DNAH17: variants seen among roughly 807,000 people sequenced by gnomAD.
DNAH17 encodes axonemal beta dynein heavy chain 17.
Under a neutral mutation model 485.6 loss-of-function variants are expected in DNAH17, and 376 were observed. The observed-to-expected ratio is 0.77, with a 90% CI of 0.71 to 0.84. DNAH17 has a LOEUF of 0.84. Among genes scored for constraint, DNAH17 ranks in the 40% least tolerant of loss-of-function variants. The probability of loss-of-function intolerance (pLI) is 0.00; values close to 1 mark genes in which losing one functional copy is unlikely to be tolerated. For synonymous variants in DNAH17, 3,031 were observed against 2,405.9 expected (o/e 1.26, Z -7.60); for missense variants, 6,370 against 5,839.3 (o/e 1.09, Z -2.96).
intron 48 of DNAH17, among the ~76,000 whole-genome samples, chr17:78,482,921 G>T (rs1410311333): frequency 6.6e-6 from 1 of 152,194 alleles, no homozygotes; most frequent in African/African-American, 2.4e-5. Context: ...TTGAGGAAAA[G>T]AAAGCAAAAA....
intron 51 of DNAH17, among the ~76,000 whole-genome samples, chr17:78,478,217 AT>A (rs2089166230): frequency 6.8e-6 from 1 of 148,120 alleles, no homozygotes; most frequent in African/African-American, 2.6e-5. Context: ...CACCACCATC[AT>A]CACCACATCA....
chr17:78,484,928 T>G lies in DNAH17; in HGVS notation c.7589A>C (p.Asp2530Ala). Residue 2530 changes from aspartate (D) to alanine (A), a missense_variant, in exon 48 of 81, where the codon GAC becomes GCC. Asp to Ala is a moderately radical substitution (Grantham distance 126, BLOSUM62 -2). Transcript: ENST00000389840. ...FIDDMNMPEV[D>A]KYGTVAPHTL... is the part of the protein sequence containing the mutation. ...GTGCGGGGCCACCGTCCCATACTTG[T>G]CCACCTCGGGCATGTTCATGTCGTC... 6.2e-7 allele frequency: 1 copy of G among 1,607,208 alleles called. No homozygotes were observed. Among genetic ancestry groups the G allele is most frequent in the South Asian group, 1.1e-5 (1 of 89,810 alleles).
chr17:78,433,458 C>T (rs776576820), intron 75 of DNAH17, among the ~76,000 whole-genome samples: 2 of 152,226 alleles, frequency 1.3e-5, no homozygotes, highest in East Asian at 3.8e-4. Context: ...AGACCGTTTA[C>T]GGAGGATGTG....
intron 1 of DNAH17, among the ~76,000 whole-genome samples, chr17:78,575,836 G>A (rs1012768162): frequency 7.2e-5 from 11 of 152,154 alleles, no homozygotes; most frequent in Non-Finnish European, 1.3e-4. Flanking sequence ...CAAGAGAAAA[G>A]GCATGTCAAT....
In DNAH17 at chr17:78,566,670, C is replaced by A; in HGVS notation, c.1513G>T (p.Ala505Ser). Residue 505 changes from alanine (A) to serine (S), a missense_variant, in exon 11 of 81, where the codon GCC (alanine) becomes TCC (serine). By Grantham distance (99) the Ala-to-Ser change is moderately conservative (BLOSUM62 1). Transcript: ENST00000389840. ...IKIQDLDRRL[A>S]TIFCQGFDDC... The stretch of plus-strand genomic sequence containing the variant: ...TCAAATCCTTGGCAAAAGATCGTGG[C>A]CAGCCTCCTATCCAGGTCTTGGATT... 34 of 1,611,232 alleles carry A rather than the reference C, an allele frequency of 2.1e-5. No individual in the cohort carries two copies. Among genetic ancestry groups the A allele is most frequent in the Non-Finnish European group, 2.9e-5 (34 of 1,178,796 alleles).
chr17:78,458,235 C>T (rs1238845996), intron 62 of DNAH17, among the ~76,000 whole-genome samples: 1 of 152,222 alleles, frequency 6.6e-6, no homozygotes, highest in Non-Finnish European at 1.5e-5. Context: ...CGTGAAATGA[C>T]TGTCCACTGG....
intron 22 of DNAH17, 50 bp downstream of exon 22, chr17:78,529,422 G>C: frequency 1.3e-6 from 2 of 1,590,102 alleles, no homozygotes; most frequent in Non-Finnish European, 8.6e-7. Flanking sequence ...TCGCGGCCGG[G>C]ATGGCTCTCC....
At chr17:78,467,420 G>A (rs1460747786) in intron 55 of DNAH17, among the ~76,000 whole-genome samples, 1 of 152,206 alleles carries the variant, frequency 6.6e-6, no homozygotes, top group Non-Finnish European at 1.5e-5. Flanking sequence ...CCCTCACTGC[G>A]TGATGACGTG....
In DNAH17 at chr17:78,565,752, G is replaced by A. The variant is rs573430310; in HGVS notation, c.1569+862C>T. ...GCGGATCACCTGAGGTCAGGAGTTC[G>A]AGACCAGCCCAACATGGCAAAACCC... On this transcript the variant is annotated intron_variant, in intron 11 of 80. Transcript: ENST00000389840. 2.6e-5 allele frequency among the ~76,000 whole-genome samples: 4 copies of A among 152,280 alleles called. No homozygotes were observed. In the South Asian group the frequency reaches 8.3e-4, roughly 32 times the overall value.
At position 78,459,910 on chromosome 17, in the gene DNAH17, C is replaced by T; in HGVS notation, c.9527G>A (p.Gly3176Asp). Residue 3176 changes from glycine to aspartate, a missense_variant, in exon 60 of 81, where the codon GGC (glycine) becomes GAC (aspartate). By Grantham distance (94) the Gly-to-Asp change is moderately conservative (BLOSUM62 -1). Coordinates refer to ENST00000389840, the MANE Select transcript of DNAH17 (RefSeq NM_173628.4). ...AAVMILTAPGGKIPKDKSWKA... is the reference protein window; with the variant it reads ...AAVMILTAPGDKIPKDKSWKA... ...CCAGCTCTTGTCCTTGGGGATCTTG[C>T]CCCCAGGTGCGGTCAGAATCATGAC... The T allele has an allele frequency of 1.2e-6, 2 of 1,613,992 alleles. No individual in the cohort carries two copies. Among genetic ancestry groups the T allele is most frequent in the Non-Finnish European group, 8.5e-7 (1 of 1,179,890 alleles).
At chr17:78,507,886 G>A in intron 27 of DNAH17, 81 bp from the exon 28 acceptor site, 2 of 1,272,030 alleles carry the variant, frequency 1.6e-6, no homozygotes, top group Non-Finnish European at 2.1e-6. Context: ...CCAGGACATA[G>A]ACTGAAGCTC....
At chr17:78,495,134 C>A in intron 38 of DNAH17, 37 bp from the exon 39 acceptor site, 1 of 1,555,242 alleles carries the variant, frequency 6.4e-7, no homozygotes, top group Non-Finnish European at 8.7e-7. Context: ...CTTCTGCCCA[C>A]TCCCTCCCCA....
chr17:78,451,391 C>T (rs748043839), intron 66 of DNAH17, 78 bp downstream of exon 66: 59 of 1,383,438 alleles, frequency 4.3e-5, no homozygotes, highest in African/African-American at 5.9e-5. Flanking sequence ...CAGCCCTGGT[C>T]GGGGACCCTC....
chr17:78,443,050 C>T (rs531136870), intron 71 of DNAH17, among the ~76,000 whole-genome samples: 29 of 152,334 alleles, frequency 1.9e-4, no homozygotes, highest in African/African-American at 5.5e-4. Flanking sequence ...GGATGATCTG[C>T]GCTCATGGGT....
At chr17:78,555,337 C>T (rs555023365) in intron 14 of DNAH17, among the ~76,000 whole-genome samples, 3 of 152,002 alleles carry the variant, frequency 2.0e-5, no homozygotes, top group East Asian at 1.9e-4. Flanking sequence ...TCAGAACACA[C>T]CTCTTTAGTG....
At chr17:78,480,091 G>C (rs1433969125) in intron 49 of DNAH17, among the ~76,000 whole-genome samples, 2 of 128,814 alleles carry the variant, frequency 1.6e-5, no homozygotes, top group Admixed American at 1.0e-4. Context: ...ACTCCCACCT[G>C]TAATCCCAGC....
intron 69 of DNAH17, 146 bp downstream of exon 69, chr17:78,449,268 A>G: frequency 1.3e-6 from 1 of 762,242 alleles, no homozygotes. Context: ...AGACTTTATA[A>G]TCACCTGGGT....
Position 78,475,843 on chromosome 17 carries a change from G to GA in DNAH17, c.8155-11dup, listed in dbSNP as rs202011737. On this transcript the variant is annotated splice_polypyrimidine_tract_variant and intron_variant, in intron 52 of 80. Transcript: ENST00000389840. ...GTTCATCACCAAGATCCTAGAAAAA[G>GA]AAAAAAAAAGACGATACTTCCGGTT... 1.5e-3 allele frequency: 2,422 copies of GA among 1,576,384 alleles called. 24 individuals carry two copies. In the African/African-American group the frequency reaches 0.025, roughly 16 times the overall value.
chr17:78,546,692 G>C (rs1008283540), intron 16 of DNAH17, among the ~76,000 whole-genome samples: 20 of 152,164 alleles, frequency 1.3e-4, no homozygotes, highest in African/African-American at 4.8e-4. Flanking sequence ...GATCACCTGA[G>C]GCCAGGAATT....
Sources: allele counts gnomAD v4.1 joint callset (sites outside exome capture counted in the v4.1 genomes callset), GRCh38; gene constraint gnomAD v4.1.1; transcripts MANE v1.5; gene names NCBI Gene and HGNC (gene_info 2026-07-23, HGNC 2026-07-21).